The following CTNNA3 variants were observed in gnomAD, a reference collection of about 807,000 sequenced individuals.
The protein encoded by CTNNA3 is catenin alpha-3.
Under a neutral mutation model 95.7 loss-of-function variants are expected in CTNNA3, and 76 were observed. The ratio of observed to expected loss-of-function variants is 0.79; its 90% CI spans 0.66 to 0.96. The LOEUF (loss-of-function observed/expected upper bound fraction) is 0.96. Ranked by LOEUF, CTNNA3 falls within the 40% of genes least tolerant of loss-of-function variation. CTNNA3 has a pLI of 0.00. For synonymous variants in CTNNA3, 431 were observed against 374.4 expected (o/e 1.15, Z -1.74); for missense variants, 1,191 against 1,089.8 (o/e 1.09, Z -1.31).
At chr10:66,922,208 C>G (rs1005780409) in intron 7 of CTNNA3, among the ~76,000 whole-genome samples, 1 of 152,114 alleles carries the variant, frequency 6.6e-6, no homozygotes, top group Non-Finnish European at 1.5e-5. Context: ...TTTAACTCGT[C>G]AGGTAGTTTA....
At chr10:66,712,649 T>C (rs1333308263) in intron 9 of CTNNA3, among the ~76,000 whole-genome samples, 2 of 149,794 alleles carry the variant, frequency 1.3e-5, no homozygotes, top group African/African-American at 4.9e-5. Flanking sequence ...CCATCAACTT[T>C]CATTGGCTTA....
chr10:67,005,810 C>T (rs2140377), intron 7 of CTNNA3, among the ~76,000 whole-genome samples: 78,320 of 149,094 alleles, frequency 0.53, 21,233 homozygotes, highest in Middle Eastern at 0.74. Context: ...CTCAGCCTCC[C>T]GAGTAACTGG....
intron 7 of CTNNA3, among the ~76,000 whole-genome samples, chr10:66,900,486 C>T (rs1845694435): frequency 6.6e-6 from 1 of 152,280 alleles, no homozygotes; most frequent in Admixed American, 6.5e-5. Context: ...ATCACAGCTC[C>T]TCGCCAGCAA....
At chr10:65,958,852 G>C (rs1318741964) in intron 17 of CTNNA3, among the ~76,000 whole-genome samples, 1 of 152,212 alleles carries the variant, frequency 6.6e-6, no homozygotes, top group Non-Finnish European at 1.5e-5. Flanking sequence ...AGACCCACTT[G>C]AGGAGGCAGT....
At chr10:66,660,436 T>C (rs1846223124) in intron 9 of CTNNA3, among the ~76,000 whole-genome samples, 1 of 152,190 alleles carries the variant, frequency 6.6e-6, no homozygotes, top group Non-Finnish European at 1.5e-5. Context: ...CCATATTTCT[T>C]TAGGGACAAC....
At chr10:67,398,082 C>T (rs1468439896) in intron 5 of CTNNA3, among the ~76,000 whole-genome samples, 2 of 152,206 alleles carry the variant, frequency 1.3e-5, no homozygotes, top group African/African-American at 4.8e-5. Flanking sequence ...TCCACTGGGG[C>T]ACTGTCAAAT....
chr10:67,581,420 C>T (rs1227136536), intron 3 of CTNNA3, among the ~76,000 whole-genome samples: 15 of 152,118 alleles, frequency 9.9e-5, no homozygotes, highest in Admixed American at 4.6e-4. Flanking sequence ...AACTTCATCA[C>T]GGTGGATAAG....
At chr10:66,745,655 T>A (rs1838833897) in intron 9 of CTNNA3, among the ~76,000 whole-genome samples, 1 of 145,816 alleles carries the variant, frequency 6.9e-6, no homozygotes, top group South Asian at 2.2e-4. Flanking sequence ...AGTGGTGTGA[T>A]CTCGGCTCAC....
intron 13 of CTNNA3, among the ~76,000 whole-genome samples, chr10:66,228,727 T>TTTTATTTCCAATTTTTA (rs2089445292): frequency 6.6e-6 from 1 of 152,132 alleles, no homozygotes; most frequent in Admixed American, 6.5e-5. Flanking sequence ...CTCTGTTCAA[T>TTTTATTTCCAATTTTTA]GTTGAGAGTG....
chr10:67,734,151 C>A (rs144346634), intron 1 of CTNNA3, among the ~76,000 whole-genome samples: 1 of 152,192 alleles, frequency 6.6e-6, no homozygotes, highest in East Asian at 1.9e-4. Context: ...CTTTTCCTGG[C>A]CAGTCAACAA....
At chr10:66,904,333 G>C (rs932719544) in intron 7 of CTNNA3, among the ~76,000 whole-genome samples, 1 of 152,124 alleles carries the variant, frequency 6.6e-6, no homozygotes, top group African/African-American at 2.4e-5. Context: ...GCTGAAACTG[G>C]ATCCCTTCCT....
chr10:67,281,652 T>C (rs1394759325), intron 5 of CTNNA3, among the ~76,000 whole-genome samples: 5 of 152,178 alleles, frequency 3.3e-5, no homozygotes, highest in Non-Finnish European at 5.9e-5. Context: ...TCCAAGATAC[T>C]TCAATTTCAT....
intron 4 of CTNNA3, among the ~76,000 whole-genome samples, chr10:67,533,198 C>T (rs758179570): frequency 5.3e-5 from 8 of 152,080 alleles, no homozygotes; most frequent in Non-Finnish European, 1.2e-4. Context: ...GTGGTGCACA[C>T]CTGTAATCCC....
chr10:66,108,997 G>T (rs2082015649), intron 13 of CTNNA3, among the ~76,000 whole-genome samples: 1 of 152,208 alleles, frequency 6.6e-6, no homozygotes, highest in Admixed American at 6.5e-5. Context: ...AAGCTCAGAA[G>T]AGATTCTCAG....
chr10:67,405,030 G>T (rs1845083735), intron 5 of CTNNA3, among the ~76,000 whole-genome samples: 1 of 152,132 alleles, frequency 6.6e-6, no homozygotes, highest in South Asian at 2.1e-4. Context: ...GTTACCACCA[G>T]ACCTGCTTTA....
chr10:65,929,217 G>T (rs2077213254), intron 17 of CTNNA3, among the ~76,000 whole-genome samples: 1 of 152,030 alleles, frequency 6.6e-6, no homozygotes, highest in South Asian at 2.1e-4. Context: ...ATCATTTTTT[G>T]TGTCTGCATA....
chr10:67,578,822 T>G (rs1842260368), intron 3 of CTNNA3, among the ~76,000 whole-genome samples: 1 of 151,750 alleles, frequency 6.6e-6, no homozygotes, highest in South Asian at 2.1e-4. Context: ...GCCCACTTTG[T>G]TGAGAGTTTG....
At chr10:67,343,474 T>C (rs528975023) in intron 5 of CTNNA3, among the ~76,000 whole-genome samples, 45 of 152,300 alleles carry the variant, frequency 3.0e-4, no homozygotes, top group African/African-American at 1.1e-3. Context: ...CTTTCACTTC[T>C]TTGGTTAAGT....
chr10:66,666,070 C>T (rs920649694), intron 9 of CTNNA3, among the ~76,000 whole-genome samples: 2 of 152,050 alleles, frequency 1.3e-5, no homozygotes, highest in Admixed American at 6.6e-5. Context: ...ACATTGCAGG[C>T]GAGAAAACAG....
Sources: allele counts gnomAD v4.1 joint callset (sites outside exome capture counted in the v4.1 genomes callset), GRCh38; gene constraint gnomAD v4.1.1; transcripts MANE v1.5; gene names NCBI Gene and HGNC (gene_info 2026-07-23, HGNC 2026-07-21).